The following ZNF728 variants were observed in gnomAD, a reference collection of about 807,000 sequenced individuals.
The protein encoded by ZNF728 is zinc finger protein 728.
Under a neutral mutation model 12.5 loss-of-function variants are expected in ZNF728, and 12 were observed. That is an observed-to-expected ratio of 0.96 (90% confidence interval 0.61 to 1.55). The LOEUF (loss-of-function observed/expected upper bound fraction) is 1.55. Ranked by LOEUF, ZNF728 falls within the 40% of genes most tolerant of loss-of-function variation. The pLI is 0.00. For missense variants in ZNF728, 692 were observed against 719.2 expected (o/e 0.96, Z 0.43); for synonymous variants, 205 against 240.7 (o/e 0.85, Z 1.37).
At chr19:22,993,534 T>C (rs1322166143) in intron 1 of ZNF728, among the ~76,000 whole-genome samples, 1 of 152,214 alleles carries the variant, frequency 6.6e-6, no homozygotes, top group African/African-American at 2.4e-5. Flanking sequence ...GGATTTTAAC[T>C]TGAGACCAAA....
intron 3 of ZNF728, among the ~76,000 whole-genome samples, chr19:22,978,376 C>T (rs569248057): frequency 6.6e-6 from 1 of 151,444 alleles, no homozygotes; most frequent in Non-Finnish European, 1.5e-5. Flanking sequence ...GAAAAAAAAC[C>T]TTTCAAAATA....
In ZNF728 at chr19:22,976,874, G is replaced by A. The variant is rs766049645; in HGVS notation, c.463C>T (p.His155Tyr). 4 of 1,613,328 alleles carry A rather than the reference G, an allele frequency of 2.5e-6. No homozygotes were observed. The South Asian group carries it at 4.4e-5, about 18-fold the overall frequency. ...FQCGKYANIF[H>Y]KCSNSKRHKI... The stretch of plus-strand genomic sequence containing the variant: ...TGTCTTTTTGAATTTGAACATTTAT[G>A]AAAGATGTTTGCATATTTGCCACAT... The change falls in exon 4 of 4, where the codon CAT becomes TAT. Residue 155 changes from histidine (H) to tyrosine (Y), a missense_variant. Around this residue, in one of 3 missense-constraint regions of ZNF728, gnomAD observed 440 missense variants for 459.6 expected, o/e 0.96. Transcript: ENST00000594710.
intron 1 of ZNF728, among the ~76,000 whole-genome samples, chr19:22,990,957 C>G (rs1200807098): frequency 6.6e-6 from 1 of 152,182 alleles, no homozygotes; most frequent in African/African-American, 2.4e-5. Flanking sequence ...AAAGGGTCCA[C>G]AAATGGGTCT....
chr19:22,975,397 G>T lies in ZNF728; in HGVS notation c.*71C>A, dbSNP rs1968781734. On this transcript the variant is annotated 3_prime_UTR_variant, in exon 4 of 4. Transcript: ENST00000594710. The stretch of plus-strand genomic sequence containing the variant: ...TTGCCACATTCTTCACATTTGTAGG[G>T]TTTCCCTCCTGTATAAATACCCTTA... 5.7e-6 allele frequency: 8 copies of T among 1,410,444 alleles called. No homozygotes were observed. Among genetic ancestry groups the T allele is most frequent in the Non-Finnish European group, 7.7e-6 (8 of 1,043,150 alleles). The allele number at this position is 1,410,444 out of a possible 1,614,324, so 87.4% of individuals were successfully genotyped here.
At chr19:22,995,720 A>T (rs1187675760) in intron 1 of ZNF728, 3 of 152,240 alleles carry the variant, frequency 2.0e-5, no homozygotes, top group Non-Finnish European at 4.4e-5. Flanking sequence ...TAGAGGCATG[A>T]GCCACTGCAC....
At position 22,975,657 on chromosome 19, in the gene ZNF728, T is replaced by C. The variant is rs780098122; in HGVS notation, c.1680A>G (p.Gly560=). The C allele has an allele frequency of 2.5e-6, 4 of 1,612,130 alleles. No homozygotes were observed. The highest frequency in any genetic ancestry group is 3.4e-6 in the Non-Finnish European group (4 of 1,179,880). The stretch of plus-strand genomic sequence containing the variant: ...ATTCTTCACATTTGTAGGGTTTCTC[T>C]CCAGTATGAATTCTCTTATGTTCAC... ...RLSEHKRIHT[G]EKPYKCEECG... The change falls in exon 4 of 4, where the codon GGA becomes GGG. Residue 560 remains glycine (G), a synonymous_variant. Transcript: ENST00000594710.
intron 1 of ZNF728, among the ~76,000 whole-genome samples, chr19:22,989,531 C>T (rs1367731218): frequency 1.3e-5 from 2 of 152,048 alleles, no homozygotes; most frequent in Non-Finnish European, 2.9e-5. Context: ...AAAAATGTGT[C>T]GGAGAGCTTA....
intron 2 of ZNF728, among the ~76,000 whole-genome samples, chr19:22,987,852 G>A (rs906149896): frequency 1.3e-4 from 20 of 152,174 alleles, no homozygotes; most frequent in South Asian, 1.2e-3. Flanking sequence ...ATGATGTTGG[G>A]AGCCGAAAGG....
chr19:22,998,894 A>G (rs1251811120), intron 1 of ZNF728, among the ~76,000 whole-genome samples: 1 of 152,198 alleles, frequency 6.6e-6, no homozygotes, highest in Non-Finnish European at 1.5e-5. Context: ...AACACTCTGC[A>G]TATTTTCTTC....
At chr19:22,984,567 A>AG (rs1968893999) in intron 3 of ZNF728, among the ~76,000 whole-genome samples, 1 of 134,264 alleles carries the variant, frequency 7.4e-6, no homozygotes, top group Admixed American at 7.6e-5. Context: ...CAAAAAAAAA[A>AG]AAAAAAAAAT....
chr19:22,978,874 A>C (rs1968833093), intron 3 of ZNF728, among the ~76,000 whole-genome samples: 1 of 152,198 alleles, frequency 6.6e-6, no homozygotes, highest in South Asian at 2.1e-4. Flanking sequence ...TCAAAGACCA[A>C]AGGTAGATAA....
chr19:22,980,867 A>G (rs1968854201), intron 3 of ZNF728, among the ~76,000 whole-genome samples: 1 of 152,158 alleles, frequency 6.6e-6, no homozygotes, highest in African/African-American at 2.4e-5. Context: ...TGGGACACAG[A>G]CAAAGCAGTG....
At chr19:22,997,459 C>T (rs1433444130) in intron 1 of ZNF728, among the ~76,000 whole-genome samples, 3 of 151,972 alleles carry the variant, frequency 2.0e-5, no homozygotes. Flanking sequence ...TGTTTTGAAA[C>T]AAATAAGAAC....
chr19:22,989,167 C>G (rs1200135293), intron 1 of ZNF728, among the ~76,000 whole-genome samples: 1 of 149,984 alleles, frequency 6.7e-6, no homozygotes, highest in Non-Finnish European at 1.5e-5. Context: ...AGGTATCACT[C>G]AAATTTTAAT....
At position 23,003,126 on chromosome 19, in the gene ZNF728, C is replaced by T. The variant is rs772420406; in HGVS notation, c.-96G>A. The T allele has an allele frequency of 8.3e-5, 119 of 1,425,504 alleles. No homozygotes were observed. Among genetic ancestry groups the T allele is most frequent in the Non-Finnish European group, 1.1e-4 (112 of 1,056,596 alleles). The allele number at this position is 1,425,504 out of a possible 1,614,324, so 88.3% of individuals were successfully genotyped here. ...AAGCTGGGCCTTTAGGAGCGGACGA[C>T]ACACAGCAGTAAGGACGACACCTTG... is the stretch of plus-strand genomic sequence containing the variant. On this transcript the variant is annotated 5_prime_UTR_variant, in exon 1 of 4. Coordinates refer to ENST00000594710, the MANE Select transcript of ZNF728 (RefSeq NM_001267716.2).
chr19:22,992,882 A>T (rs997221323), intron 1 of ZNF728, among the ~76,000 whole-genome samples: 3 of 152,184 alleles, frequency 2.0e-5, no homozygotes, highest in African/African-American at 7.2e-5. Flanking sequence ...TGGTCCACTG[A>T]TAAGCCAGGC....
chr19:22,986,818 T>A (rs368188853), intron 3 of ZNF728, among the ~76,000 whole-genome samples: 1 of 151,938 alleles, frequency 6.6e-6, no homozygotes. Context: ...CAGGACAACA[T>A]ACTTTATAAT....
chr19:22,984,982 T>C (rs897459347), intron 3 of ZNF728, among the ~76,000 whole-genome samples: 4 of 152,252 alleles, frequency 2.6e-5, no homozygotes, highest in African/African-American at 9.6e-5. Context: ...TACTTTAACA[T>C]GTATGGTCAT....
intron 1 of ZNF728, among the ~76,000 whole-genome samples, chr19:22,996,103 A>C (rs961487095): frequency 6.6e-6 from 1 of 152,280 alleles, no homozygotes; most frequent in African/African-American, 2.4e-5. Context: ...TTTGGATATC[A>C]GATATAAATA....
Sources: allele counts gnomAD v4.1 joint callset (sites outside exome capture counted in the v4.1 genomes callset), GRCh38; gene constraint gnomAD v4.1.1; regional missense constraint gnomAD v4.1.1; transcripts MANE v1.5; gene names NCBI Gene and HGNC (gene_info 2026-07-23, HGNC 2026-07-21).